Variants in IFT74 observed in about 807,000 individuals in gnomAD.
IFT74 encodes intraflagellar transport 74.
A neutral mutation model predicts 96.7 loss-of-function variants in IFT74; 92 were observed. That is an observed-to-expected ratio of 0.95 (90% CI 0.80 to 1.13). IFT74 has a LOEUF of 1.13. IFT74 is among the 50% of genes most tolerant of loss of function. The probability of loss-of-function intolerance (pLI) is 0.00; values close to 1 mark genes in which losing one functional copy is unlikely to be tolerated. For missense variants in IFT74, 811 were observed against 698.2 expected (o/e 1.16, Z -1.82); for synonymous variants, 223 against 213.2 (o/e 1.05, Z -0.40).
upstream of IFT74, among the ~76,000 whole-genome samples, chr9:26,954,059 C>T (rs543155053): frequency 2.6e-5 from 4 of 152,286 alleles, no homozygotes; most frequent in African/African-American, 9.6e-5. Context: ...GGTTGAATTC[C>T]TTTCACATTG....
intron 8 of IFT74, chr9:26,995,772 A>C: frequency 1.2e-6 from 2 of 1,613,888 alleles, no homozygotes; most frequent in Middle Eastern, 1.7e-4. Flanking sequence ...ATAGCAATAA[A>C]AATGAGAAGT....
chr9:27,043,368 C>A (rs1362367052), intron 13 of IFT74, among the ~76,000 whole-genome samples: 1 of 152,200 alleles, frequency 6.6e-6, no homozygotes, highest in Non-Finnish European at 1.5e-5. Flanking sequence ...TTTGCCATCA[C>A]CCTTGTGTTC....
intron 13 of IFT74, among the ~76,000 whole-genome samples, chr9:27,037,455 C>T (rs1198986760): frequency 1.3e-5 from 2 of 152,182 alleles, no homozygotes; most frequent in Non-Finnish European, 2.9e-5. Context: ...TTAAAGATCA[C>T]AGGAGAATCA....
At position 26,995,823 on chromosome 9, in the gene IFT74, C is replaced by T. The variant is rs144867340; in HGVS notation, c.587+5628C>T. ...GTGACAACAACACCAACAAGAAAAG[C>T]CCAACTTTTTCCAAGAGGTTCATGT... On this transcript the variant is annotated intron_variant, in intron 8 of 19. Transcript: ENST00000380062. 5,796 of 1,603,478 alleles carry T rather than the reference C, an allele frequency of 3.6e-3. 19 individuals are homozygous for T. Among genetic ancestry groups the T allele is most frequent in the Non-Finnish European group, 3.4e-3 (4,036 of 1,174,480 alleles).
intron 8 of IFT74, among the ~76,000 whole-genome samples, chr9:26,990,986 T>C (rs1253254598): frequency 6.6e-6 from 1 of 152,234 alleles, no homozygotes; most frequent in Non-Finnish European, 1.5e-5. Context: ...CTATGTTGTG[T>C]AAACACACAT....
intron 13 of IFT74, among the ~76,000 whole-genome samples, chr9:27,042,391 C>T (rs1286910069): frequency 6.6e-6 from 1 of 152,032 alleles, no homozygotes; most frequent in East Asian, 1.9e-4. Context: ...GAAGCCCTCC[C>T]ATCCCCGCAA....
chr9:27,007,159 C>T (rs1455527697), intron 8 of IFT74, among the ~76,000 whole-genome samples: 3 of 152,014 alleles, frequency 2.0e-5, no homozygotes, highest in African/African-American at 7.2e-5. Flanking sequence ...TTTATGACAC[C>T]ATCATCAGTG....
At chr9:27,006,838 T>G (rs866909871) in intron 8 of IFT74, among the ~76,000 whole-genome samples, 2 of 132,202 alleles carry the variant, frequency 1.5e-5, no homozygotes, top group Admixed American at 7.5e-5. Flanking sequence ...TGTGTTTTTT[T>G]TTTTTTTTTT....
At chr9:26,993,576 C>G (rs955185705) in intron 8 of IFT74, 1 of 152,434 alleles carries the variant, frequency 6.6e-6, no homozygotes, top group Admixed American at 6.6e-5. Context: ...TTTAAAATGA[C>G]TATTCTATAG....
intron 13 of IFT74, among the ~76,000 whole-genome samples, chr9:27,030,547 C>CAAAA (rs60150925): frequency 8.7e-6 from 1 of 115,418 alleles, no homozygotes; most frequent in African/African-American, 3.3e-5. Flanking sequence ...GACTCCGTCT[C>CAAAA]AAAAAAAAAA....
chr9:27,040,463 C>T (rs188442572), intron 13 of IFT74, among the ~76,000 whole-genome samples: 5 of 147,896 alleles, frequency 3.4e-5, no homozygotes, highest in Admixed American at 6.9e-5. Context: ...GTAGGAGAAT[C>T]GCTTGAACCT....
At chr9:27,028,112 T>A (rs1464507166) in intron 12 of IFT74, among the ~76,000 whole-genome samples, 1 of 152,196 alleles carries the variant, frequency 6.6e-6, no homozygotes, top group Non-Finnish European at 1.5e-5. Context: ...GCTATAGATA[T>A]ATGGTCATAT....
At chr9:26,996,894 T>C (rs1423759086) in intron 8 of IFT74, among the ~76,000 whole-genome samples, 2 of 152,128 alleles carry the variant, frequency 1.3e-5, no homozygotes, top group African/African-American at 4.8e-5. Flanking sequence ...TGAAATGACA[T>C]TATCATCTCA....
chr9:27,050,025 G>A (rs62542705), intron 16 of IFT74, among the ~76,000 whole-genome samples: 15,630 of 151,974 alleles, frequency 0.1, 1,035 homozygotes, highest in South Asian at 0.26. Flanking sequence ...TTATCTTCAC[G>A]ACATTTCAAT....
chr9:26,984,326 G>T lies in IFT74; in HGVS notation c.375G>T (p.Glu125Asp), dbSNP rs202120896. ...LQKGIEMYNQ[E>D]NSVYLSYEKR... is the part of the protein sequence containing the mutation. Reference sequence around the variant, plus strand: ...AGGGAATAGAAATGTACAATCAAGAGAATTCAGTATATTTGTCATATGAAA... The same window carrying T: ...AGGGAATAGAAATGTACAATCAAGATAATTCAGTATATTTGTCATATGAAA... Residue 125 changes from glutamate to aspartate, a missense_variant, in exon 5 of 20, where the codon GAG (glutamate) becomes GAT (aspartate). Physicochemically the swap from Glu to Asp is conservative, Grantham distance 45 (BLOSUM62 2). Coordinates refer to ENST00000380062, the MANE Select transcript of IFT74 (RefSeq NM_025103.4). 1.3e-6 allele frequency: 2 copies of T among 1,584,008 alleles called. No individual in the cohort carries two copies. Among genetic ancestry groups the T allele is most frequent in the Non-Finnish European group, 1.7e-6 (2 of 1,163,908 alleles).
At chr9:26,950,240 AGG>A (rs1825889006) in intron 1 of IFT74, among the ~76,000 whole-genome samples, 1 of 149,746 alleles carries the variant, frequency 6.7e-6, no homozygotes, top group South Asian at 2.1e-4. Flanking sequence ...TGAACCCGGG[AGG>A]GGGAGGTTGC....
At chr9:27,061,831 A>C (rs1820437481) in intron 19 of IFT74, among the ~76,000 whole-genome samples, 1 of 152,174 alleles carries the variant, frequency 6.6e-6, no homozygotes, top group East Asian at 1.9e-4. Context: ...TAGCCATTTC[A>C]ACTCCATTAT....
intron 2 of IFT74, among the ~76,000 whole-genome samples, chr9:26,968,836 T>C (rs60097289): frequency 0.051 from 7,789 of 152,160 alleles, 221 homozygotes; most frequent in African/African-American, 0.072. Flanking sequence ...TAAAAGTTTG[T>C]TGATTTTGTT....
At position 26,980,618 on chromosome 9, in the gene IFT74, A is replaced by G; in HGVS notation, c.304A>G (p.Arg102Gly). The G allele has an allele frequency of 1.3e-6, 2 of 1,585,880 alleles. No homozygotes were observed. The highest frequency in any genetic ancestry group is 1.7e-6 in the Non-Finnish European group (2 of 1,155,332). Reference sequence around the variant, plus strand: ...CAAATCTTACTATCTTGGGCTTCTTAGGTATGTTAAACATATCTTTTCATC... The same window carrying G: ...CAAATCTTACTATCTTGGGCTTCTTGGGTATGTTAAACATATCTTTTCATC... ...LDKSYYLGLLRSKISELTTEV... is the reference protein window; with the variant it reads ...LDKSYYLGLLGSKISELTTEV... The change falls in exon 4 of 20, where the codon AGA (arginine) becomes GGA (glycine). Residue 102 changes from arginine to glycine, a missense_variant and splice_region_variant. Physicochemically the swap from Arg to Gly is moderately radical, Grantham distance 125. Transcript: ENST00000380062.
Sources: gnomAD v4.1 joint callset for allele counts (sites outside exome capture counted in the v4.1 genomes callset) on GRCh38, gnomAD v4.1.1 for gene constraint, MANE v1.5 for transcripts, NCBI Gene and HGNC (gene_info 2026-07-23, HGNC 2026-07-21) for gene names.